The following STXBP4 variants were observed in gnomAD, a reference collection of about 807,000 sequenced individuals.
STXBP4 encodes syntaxin binding protein 4, also known as syntaxin-binding protein 4.
A neutral mutation model predicts 76.1 loss-of-function variants in STXBP4; 55 were observed. The ratio of observed to expected loss-of-function variants is 0.72; its 90% CI spans 0.58 to 0.91. The LOEUF (loss-of-function observed/expected upper bound fraction) is 0.91. STXBP4 is among the 40% of genes least tolerant of loss of function. The probability of loss-of-function intolerance (pLI) is 0.00; values close to 1 mark genes in which losing one functional copy is unlikely to be tolerated. For missense variants in STXBP4, 618 were observed against 636.9 expected, an observed-to-expected ratio of 0.97 and a Z score of 0.32; for synonymous variants, 201 against 220.2, an observed-to-expected ratio of 0.91 and a Z score of 0.77.
chr17:55,181,928 C>T, the STXBP4 span, among the ~76,000 whole-genome samples: 1 of 152,072 alleles, frequency 6.6e-6, no homozygotes, highest in Non-Finnish European at 1.5e-5. Flanking sequence ...TTTAAAGGCT[C>T]AACATCCTAT....
chr17:55,001,681 C>CT (rs2077919001), intron 7 of STXBP4, among the ~76,000 whole-genome samples: 1 of 151,932 alleles, frequency 6.6e-6, no homozygotes. Context: ...AGCTACCAAT[C>CT]TTTTTTTTGA....
chr17:55,079,797 A>G (rs1276722373), intron 15 of STXBP4, among the ~76,000 whole-genome samples: 2 of 151,914 alleles, frequency 1.3e-5, no homozygotes, highest in Non-Finnish European at 2.9e-5. Context: ...TAAATACTCT[A>G]CCCTTTACTG....
intron 7 of STXBP4, 91 bp downstream of exon 7, chr17:55,000,974 G>A: frequency 6.1e-6 from 5 of 825,132 alleles, no homozygotes; most frequent in East Asian, 2.7e-5. Context: ...TTTGAAGAAG[G>A]GTGAATTATG....
the STXBP4 span, among the ~76,000 whole-genome samples, chr17:55,185,440 G>GGTGTGTGTACGT: frequency 6.6e-6 from 1 of 151,406 alleles, no homozygotes; most frequent in African/African-American, 2.4e-5. Context: ...TCTCAAGTGG[G>GGTGTGTGTACGT]GTGTGTGTAC....
At chr17:55,210,050 G>T in the STXBP4 span, among the ~76,000 whole-genome samples, 543 of 152,282 alleles carry the variant, frequency 3.6e-3, 5 homozygotes, top group African/African-American at 0.013. Flanking sequence ...TCATGTCTGC[G>T]TGTGCATATA....
chr17:54,968,775 G>T lies in STXBP4; in HGVS notation c.-197G>T. The T allele has an allele frequency of 8.9e-7, 1 of 1,118,748 alleles. No individual in the cohort carries two copies. 69.3% of individuals were successfully genotyped at this position (1,118,748 alleles called of 1,614,324 possible). A position where few individuals can be genotyped will look rare whatever the true frequency, so the allele number is the denominator to read the frequency against. On this transcript the variant is annotated 5_prime_UTR_variant, in exon 1 of 18. Transcript: ENST00000376352. The stretch of plus-strand genomic sequence containing the variant: ...GCTACCAGGCTCCTCAGGTGGCAGC[G>T]CTTGCAGTCGGGCTACGGAGGCCGG...
At chr17:55,054,615 C>G (rs926832594) in intron 12 of STXBP4, among the ~76,000 whole-genome samples, 13 of 152,172 alleles carry the variant, frequency 8.5e-5, no homozygotes, top group African/African-American at 1.2e-4. Flanking sequence ...CTTTGTCAAA[C>G]TACTTCACCT....
the STXBP4 span, among the ~76,000 whole-genome samples, chr17:55,201,806 C>G: frequency 1.9e-3 from 284 of 152,310 alleles, 9 homozygotes; most frequent in East Asian, 0.039. Context: ...CTATGCTCCA[C>G]GAGCAAGAAC....
intron 16 of STXBP4, 110 bp from the exon 17 acceptor site, chr17:55,141,200 G>A (rs2080090836): frequency 2.3e-6 from 2 of 878,298 alleles, no homozygotes; most frequent in East Asian, 2.7e-5. Context: ...AAATTATTTT[G>A]TATAAGAAAT....
At chr17:55,053,240 G>A (rs2078883265) in intron 12 of STXBP4, among the ~76,000 whole-genome samples, 1 of 151,672 alleles carries the variant, frequency 6.6e-6, no homozygotes, top group Admixed American at 6.6e-5. Context: ...GGAAATATGT[G>A]GTTATATAAG....
chr17:55,107,234 C>A (rs1320400856), intron 16 of STXBP4, among the ~76,000 whole-genome samples: 1 of 152,066 alleles, frequency 6.6e-6, no homozygotes, highest in African/African-American at 2.4e-5. Flanking sequence ...ATTTGGCTAT[C>A]GATACTCATG....
At chr17:55,011,501 TC>T in intron 8 of STXBP4, among the ~76,000 whole-genome samples, 3 of 119,444 alleles carry the variant, frequency 2.5e-5, no homozygotes, top group East Asian at 2.6e-4. Flanking sequence ...GAGTTTATTT[TC>T]TTTTTCTTTT....
At chr17:55,006,682 T>C in intron 7 of STXBP4, among the ~76,000 whole-genome samples, 1 of 152,178 alleles carries the variant, frequency 6.6e-6, no homozygotes, top group East Asian at 1.9e-4. Context: ...CTCTTGCAAA[T>C]TCATTTATGC....
chr17:54,971,561 T>C (rs73990256), intron 1 of STXBP4, among the ~76,000 whole-genome samples: 2,785 of 152,264 alleles, frequency 0.018, 87 homozygotes, highest in African/African-American at 0.062. Context: ...TACAGCTACA[T>C]TGAGGGGTTA....
the STXBP4 span, among the ~76,000 whole-genome samples, chr17:55,203,314 C>T: frequency 2.2e-4 from 34 of 152,228 alleles, no homozygotes; most frequent in South Asian, 5.4e-3. Context: ...GTTATCACAG[C>T]GCATTGCAAT....
Position 55,161,477 on chromosome 17 carries a change from G to C in STXBP4, c.*1566G>C, listed in dbSNP as rs2080336862. ...ATAATTGTGAAAGTACAAACTTCTT[G>C]TTTTTGTCAAATTAATGGTATGAAA... is the stretch of plus-strand genomic sequence containing the variant. On this transcript the variant is annotated 3_prime_UTR_variant, in exon 18 of 18. Coordinates refer to ENST00000376352, the MANE Select transcript of STXBP4 (RefSeq NM_178509.6). The C allele has an allele frequency of 6.6e-6, 1 of 152,180 alleles. No individual in the cohort carries two copies. Among genetic ancestry groups the C allele is most frequent in the Non-Finnish European group, 1.5e-5 (1 of 68,020 alleles). The allele number at this position is 152,180 out of a possible 1,614,324, so 9.4% of individuals were successfully genotyped here. A position where few individuals can be genotyped will look rare whatever the true frequency, so the allele number is the denominator to read the frequency against.
the STXBP4 span, among the ~76,000 whole-genome samples, chr17:55,183,684 G>A: frequency 1.3e-5 from 2 of 152,038 alleles, no homozygotes; most frequent in Non-Finnish European, 2.9e-5. Context: ...AAAAGCAAAT[G>A]AATTTTAAGA....
chr17:55,204,833 C>CACAT, the STXBP4 span, among the ~76,000 whole-genome samples: 5,157 of 123,178 alleles, frequency 0.042, 299 homozygotes, highest in African/African-American at 0.14. Flanking sequence ...CACACACACA[C>CACAT]ACACACACAC....
At chr17:55,105,570 C>A (rs1231751938) in intron 16 of STXBP4, among the ~76,000 whole-genome samples, 1 of 150,908 alleles carries the variant, frequency 6.6e-6, no homozygotes, top group Non-Finnish European at 1.5e-5. Flanking sequence ...CGGGTTCATA[C>A]ACCATTCTCC....
Sources: allele counts gnomAD v4.1 joint callset (sites outside exome capture counted in the v4.1 genomes callset), GRCh38; gene constraint gnomAD v4.1.1; transcripts MANE v1.5; gene names NCBI Gene and HGNC (gene_info 2026-07-23, HGNC 2026-07-21).